Variants in CHST15 observed in about 807,000 individuals in gnomAD.
CHST15 encodes the protein B cell RAG associated protein (GALNAC4S-6ST).
A neutral mutation model predicts 53.6 loss-of-function variants in CHST15; 30 were observed. The observed-to-expected ratio is 0.56, with a 90% CI of 0.42 to 0.76. CHST15 has a LOEUF of 0.76. Among genes scored for constraint, CHST15 ranks in the 30% least tolerant of loss-of-function variants. The probability of loss-of-function intolerance (pLI) is 0.00; values close to 1 mark genes in which losing one functional copy is unlikely to be tolerated. For missense variants in CHST15, 627 were observed against 740.5 expected (o/e 0.85, Z 1.78); for synonymous variants, 296 against 289.8 (o/e 1.02, Z -0.22).
intron 1 of CHST15, among the ~76,000 whole-genome samples, chr10:124,056,028 A>G (rs1325295711): frequency 2.4e-4 from 37 of 152,166 alleles, no homozygotes; most frequent in Admixed American, 2.4e-3. Context: ...TTTATAGAGG[A>G]GAAACCAAGG....
intron 1 of CHST15, among the ~76,000 whole-genome samples, chr10:124,087,355 T>C (rs1035315157): frequency 9.2e-5 from 14 of 152,186 alleles, no homozygotes; most frequent in Admixed American, 2.6e-4. Flanking sequence ...CACTATCTTT[T>C]TGACCACAGG....
intron 6 of CHST15, among the ~76,000 whole-genome samples, chr10:124,017,443 C>A (rs947088540): frequency 6.6e-6 from 1 of 152,172 alleles, no homozygotes; most frequent in Non-Finnish European, 1.5e-5. Flanking sequence ...TCTTCCCACC[C>A]ACCTATCGGG....
At chr10:124,026,310 T>G (rs1947006679) in intron 5 of CHST15, among the ~76,000 whole-genome samples, 1 of 152,156 alleles carries the variant, frequency 6.6e-6, no homozygotes, top group African/African-American at 2.4e-5. Flanking sequence ...TAAGATTGTC[T>G]TCAAGTAACA....
intron 1 of CHST15, among the ~76,000 whole-genome samples, chr10:124,072,657 G>A (rs1948955718): frequency 6.6e-6 from 1 of 152,198 alleles, no homozygotes; most frequent in South Asian, 2.1e-4. Flanking sequence ...TCTCAAAGAT[G>A]AGCCTGGAGG....
intron 1 of CHST15, among the ~76,000 whole-genome samples, chr10:124,082,244 A>C (rs1057370053): frequency 1.3e-5 from 2 of 152,208 alleles, no homozygotes; most frequent in African/African-American, 2.4e-5. Context: ...CCAGTCAAGA[A>C]GGCAACCTGG....
chr10:124,038,525 G>C lies in CHST15; in HGVS notation c.1180C>G (p.Pro394Ala). 3.1e-6 allele frequency: 5 copies of C among 1,614,094 alleles called. No homozygotes were observed. The highest frequency in any genetic ancestry group is 4.2e-6 in the Non-Finnish European group (5 of 1,179,980). Residue 394 changes from proline to alanine, a missense_variant, in exon 5 of 8, where the codon CCT (proline) becomes GCT (alanine). Physicochemically the swap from Pro to Ala is conservative, Grantham distance 27. Coordinates refer to ENST00000435907, the MANE Select transcript of CHST15 (RefSeq NM_001270764.2). ...NARLIVMLRD[P>A]VERLYSDYLY... Reference sequence around the variant, plus strand: ...ACAGAAACTGCTCACCTCTCCACAGGGTCCCTGAGCATGACAATCAGTCTG... The same window carrying C: ...ACAGAAACTGCTCACCTCTCCACAGCGTCCCTGAGCATGACAATCAGTCTG...
Position 124,009,089 on chromosome 10 carries a change from T to C in CHST15, c.*1060A>G. ...AACTTTGACCACACGCAGTGGAGAATGTGGAAATAAACTATTTCCAATGGG... is the reference window on the plus strand; with the variant it reads ...AACTTTGACCACACGCAGTGGAGAACGTGGAAATAAACTATTTCCAATGGG... On this transcript the variant is annotated 3_prime_UTR_variant, in exon 8 of 8. Coordinates refer to ENST00000435907, the MANE Select transcript of CHST15 (RefSeq NM_001270764.2). The C allele has an allele frequency of 7.9e-7, 1 of 1,269,840 alleles. No homozygotes were observed. The allele number at this position is 1,269,840 out of a possible 1,614,324, so 78.7% of individuals were successfully genotyped here.
intron 6 of CHST15, chr10:124,020,220 C>T (rs1201216363): frequency 3.0e-6 from 3 of 985,386 alleles, no homozygotes; most frequent in African/African-American, 1.7e-5. Flanking sequence ...CATTATTACC[C>T]CATTGTATGA....
At chr10:124,038,401 C>G (rs866014467) in intron 5 of CHST15, 114 bp downstream of exon 5, 1 of 1,251,460 alleles carries the variant, frequency 8.0e-7, no homozygotes, top group South Asian at 1.4e-5. Flanking sequence ...CCACTGTACC[C>G]GACCTGTTTA....
chr10:124,084,586 G>C (rs1425813442), intron 1 of CHST15, among the ~76,000 whole-genome samples: 3 of 152,054 alleles, frequency 2.0e-5, no homozygotes, highest in Non-Finnish European at 4.4e-5. Flanking sequence ...AATCATCCAG[G>C]TTGTCCTTCA....
chr10:124,023,017 A>C (rs28766381), intron 5 of CHST15, among the ~76,000 whole-genome samples: 2 of 151,666 alleles, frequency 1.3e-5, no homozygotes, highest in Non-Finnish European at 2.9e-5. Flanking sequence ...ATGGGGTTTC[A>C]CCATGTTGGC....
Position 124,062,533 on chromosome 10 carries a change from C to A in CHST15, c.-512-15809G>T, listed in dbSNP as rs141285232. Among the ~76,000 whole-genome samples, 972 of 152,250 alleles carry A rather than the reference C, an allele frequency of 6.4e-3. 8 individuals are homozygous for A. The highest frequency in any genetic ancestry group is 0.023 in the African/African-American group (938 of 41,540). On this transcript the variant is annotated intron_variant, in intron 1 of 7. Coordinates refer to ENST00000435907, the MANE Select transcript of CHST15 (RefSeq NM_001270764.2). The stretch of plus-strand genomic sequence containing the variant: ...CGGCAGTACCGACCCCATGGACAGG[C>A]GTGGAGATTAGACGGGAAAATCCCC...
Position 124,044,872 on chromosome 10 carries a change from G to C in CHST15, c.594C>G (p.Pro198=). The C allele has an allele frequency of 6.8e-7, 1 of 1,479,452 alleles. No individual in the cohort carries two copies. The highest frequency in any genetic ancestry group is 9.0e-7 in the Non-Finnish European group (1 of 1,113,190). The allele number at this position is 1,479,452 out of a possible 1,614,324, so 91.6% of individuals were successfully genotyped here. ...GCCCCGAGAACTCCTCGTACCAACAGGGGCTCTTACTGTTTGGAAGGAATT... is the reference window on the plus strand; with the variant it reads ...GCCCCGAGAACTCCTCGTACCAACACGGGCTCTTACTGTTTGGAAGGAATT... ...PNKFLPNSKS[P]CWYEEFSGQN... is the part of the protein sequence containing the mutation. The change falls in exon 3 of 8, where the codon CCC becomes CCG. Residue 198 remains proline, a synonymous_variant. Transcript: ENST00000435907.
At chr10:124,012,211 AG>A in intron 7 of CHST15, 121 bp downstream of exon 7, 1 of 1,115,612 alleles carries the variant, frequency 9.0e-7, no homozygotes, top group South Asian at 1.6e-5. Context: ...GGACATCCCC[AG>A]GCCTCCCAGC....
intron 1 of CHST15, among the ~76,000 whole-genome samples, chr10:124,077,442 G>C (rs1949113026): frequency 6.6e-6 from 1 of 152,164 alleles, no homozygotes; most frequent in South Asian, 2.1e-4. Flanking sequence ...CCAGAGTCCA[G>C]ACCATCCCTG....
intron 1 of CHST15, among the ~76,000 whole-genome samples, chr10:124,077,368 G>A (rs1289563218): frequency 6.6e-6 from 1 of 152,174 alleles, no homozygotes; most frequent in Non-Finnish European, 1.5e-5. Flanking sequence ...ATGCAGCTCT[G>A]CCTGAGGATT....
chr10:124,023,198 G>A (rs900971961), intron 5 of CHST15, among the ~76,000 whole-genome samples: 1 of 152,018 alleles, frequency 6.6e-6, no homozygotes, highest in African/African-American at 2.4e-5. Flanking sequence ...TTTAATAAAT[G>A]TCAGGGCCAG....
chr10:124,053,198 C>T (rs1406221627), intron 1 of CHST15, among the ~76,000 whole-genome samples: 1 of 152,222 alleles, frequency 6.6e-6, no homozygotes, highest in Non-Finnish European at 1.5e-5. Context: ...ACATTCTTTG[C>T]CACTTTGGAG....
chr10:124,042,527 G>A, intron 3 of CHST15, 80 bp from the exon 4 acceptor site: 1 of 1,530,742 alleles, frequency 6.5e-7, no homozygotes, highest in African/African-American at 1.4e-5. Flanking sequence ...AGCAACCAAA[G>A]AGAGATGGAA....
Sources: allele counts gnomAD v4.1 joint callset (sites outside exome capture counted in the v4.1 genomes callset), GRCh38; gene constraint gnomAD v4.1.1; transcripts MANE v1.5; gene names NCBI Gene and HGNC (gene_info 2026-07-23, HGNC 2026-07-21).